The following NELL1 variants were observed in gnomAD, a reference collection of about 807,000 sequenced individuals.
NELL1 encodes the protein neural EGFL like 1.
A neutral mutation model predicts 107.4 loss-of-function variants in NELL1; 76 were observed. The ratio of observed to expected loss-of-function variants is 0.71; its 90% CI spans 0.59 to 0.86. NELL1 has a LOEUF of 0.86. Ranked by LOEUF, NELL1 falls within the 40% of genes least tolerant of loss-of-function variation. NELL1 has a pLI of 0.00. For synonymous variants in NELL1, 353 were observed against 341.2 expected, an observed-to-expected ratio of 1.03 and a Z score of -0.38; for missense variants, 1,024 against 1,005.5, an observed-to-expected ratio of 1.02 and a Z score of -0.25.
chr11:21,351,582 T>C (rs1442131954), intron 14 of NELL1, among the ~76,000 whole-genome samples: 2 of 151,928 alleles, frequency 1.3e-5, no homozygotes, highest in Non-Finnish European at 2.9e-5. Flanking sequence ...GAAAGAGATA[T>C]GCTGCTCACC....
chr11:20,758,983 T>C (rs566428532), intron 2 of NELL1, among the ~76,000 whole-genome samples: 10 of 152,292 alleles, frequency 6.6e-5, no homozygotes, highest in African/African-American at 2.4e-4. Context: ...GGAACTGATG[T>C]TCGTTGAGCC....
At chr11:21,056,572 G>GA in intron 12 of NELL1, among the ~76,000 whole-genome samples, 1 of 152,076 alleles carries the variant, frequency 6.6e-6, no homozygotes, top group African/African-American at 2.4e-5. Context: ...CAGTCTTCTG[G>GA]AAAATCTACC....
intron 12 of NELL1, among the ~76,000 whole-genome samples, chr11:21,006,703 C>T (rs1166170905): frequency 6.6e-6 from 1 of 152,074 alleles, no homozygotes; most frequent in African/African-American, 2.4e-5. Flanking sequence ...CCCAACGCCT[C>T]TCAGGGTTGA....
chr11:20,780,935 G>T (rs574019795), intron 2 of NELL1, among the ~76,000 whole-genome samples: 1 of 152,236 alleles, frequency 6.6e-6, no homozygotes, highest in African/African-American at 2.4e-5. Context: ...CAGGCATGCT[G>T]AAGGGACTGG....
At chr11:20,799,463 T>G (rs530630935) in intron 3 of NELL1, among the ~76,000 whole-genome samples, 1 of 152,342 alleles carries the variant, frequency 6.6e-6, no homozygotes, top group African/African-American at 2.4e-5. Context: ...ATTTCATAAT[T>G]TATAAAACTA....
intron 14 of NELL1, among the ~76,000 whole-genome samples, chr11:21,239,412 T>G (rs1464269080): frequency 6.6e-6 from 1 of 152,068 alleles, no homozygotes; most frequent in Non-Finnish European, 1.5e-5. Flanking sequence ...TCCAAGATAC[T>G]GCCATATACA....
chr11:20,926,259 A>G (rs1407902325), intron 7 of NELL1, among the ~76,000 whole-genome samples: 1 of 152,134 alleles, frequency 6.6e-6, no homozygotes, highest in Admixed American at 6.6e-5. Context: ...TTTTTGCACC[A>G]TATTTTTGAA....
chr11:21,541,691 CCT>C (rs1856296898), intron 16 of NELL1, among the ~76,000 whole-genome samples: 1 of 152,056 alleles, frequency 6.6e-6, no homozygotes, highest in South Asian at 2.1e-4. Flanking sequence ...CCGAAATCGG[CCT>C]CTTTCTAGCT....
intron 15 of NELL1, among the ~76,000 whole-genome samples, chr11:21,371,369 T>A (rs1851355314): frequency 6.6e-6 from 1 of 152,132 alleles, no homozygotes; most frequent in Non-Finnish European, 1.5e-5. Flanking sequence ...ATTAAATAAT[T>A]CCAGCAGCAG....
At chr11:21,193,877 T>C (rs1029926616) in intron 13 of NELL1, among the ~76,000 whole-genome samples, 2 of 151,890 alleles carry the variant, frequency 1.3e-5, no homozygotes, top group Admixed American at 6.6e-5. Flanking sequence ...TATTTCACAA[T>C]GTTTACACTT....
At chr11:21,036,382 A>G (rs988619357) in intron 12 of NELL1, among the ~76,000 whole-genome samples, 6 of 152,172 alleles carry the variant, frequency 3.9e-5, no homozygotes, top group Non-Finnish European at 8.8e-5. Context: ...AGAGAAAACT[A>G]TTTTAAAATT....
intron 2 of NELL1, among the ~76,000 whole-genome samples, chr11:20,760,535 T>C: frequency 6.6e-6 from 1 of 152,034 alleles, no homozygotes; most frequent in Non-Finnish European, 1.5e-5. Context: ...CTAATGACTG[T>C]TGTAGTTTCT....
chr11:21,405,820 C>T (rs560769536), intron 15 of NELL1, among the ~76,000 whole-genome samples: 1 of 151,952 alleles, frequency 6.6e-6, no homozygotes, highest in African/African-American at 2.4e-5. Flanking sequence ...CTTCCCCCAA[C>T]CTTTCCTTTC....
chr11:20,889,266 A>G (rs540552401), intron 5 of NELL1, among the ~76,000 whole-genome samples: 6 of 152,358 alleles, frequency 3.9e-5, no homozygotes, highest in Non-Finnish European at 8.8e-5. Flanking sequence ...AATTTTTCAC[A>G]AAAGGATAAC....
chr11:20,873,767 CTTT>C (rs34217570), intron 4 of NELL1, among the ~76,000 whole-genome samples: 7 of 135,670 alleles, frequency 5.2e-5, no homozygotes, highest in Admixed American at 7.5e-5. Context: ...GAATATTTGA[CTTT>C]TTTTTTTTTT....
intron 12 of NELL1, among the ~76,000 whole-genome samples, chr11:21,070,073 G>A (rs1032753121): frequency 6.6e-6 from 1 of 151,992 alleles, no homozygotes; most frequent in Non-Finnish European, 1.5e-5. Flanking sequence ...CTGAAATGAC[G>A]GGTTTGCTCA....
rs761616910 is a variant in NELL1 at position 21,113,638 on chromosome 11, G to A, written c.1350G>A (p.Val450=). The A allele has an allele frequency of 6.2e-7, 1 of 1,612,110 alleles. No homozygotes were observed. Among genetic ancestry groups the A allele is most frequent in the East Asian group, 2.2e-5 (1 of 44,806 alleles). The change falls in exon 13 of 20, where the codon GTG becomes GTA. Residue 450 remains valine, a synonymous_variant. Transcript: ENST00000357134. ...AKMHYCHANT[V]CVNLPGLYRC... is the part of the protein sequence containing the mutation. ...TGCATTACTGTCATGCCAATACTGT[G>A]TGTGTCAACCTTCCTGGGTTATATC...
chr11:21,560,051 A>C, intron 16 of NELL1, 138 bp from the exon 17 acceptor site: 1 of 767,028 alleles, frequency 1.3e-6, no homozygotes, highest in Non-Finnish European at 2.3e-6. Context: ...AAATGAGATA[A>C]TACATGTGAA....
chr11:20,750,261 T>C (rs1856102010), intron 2 of NELL1, among the ~76,000 whole-genome samples: 1 of 152,168 alleles, frequency 6.6e-6, no homozygotes, highest in South Asian at 2.1e-4. Context: ...TTAAAGTCTT[T>C]TCTTCATTAT....
Sources: gnomAD v4.1 joint callset for allele counts (sites outside exome capture counted in the v4.1 genomes callset) on GRCh38, gnomAD v4.1.1 for gene constraint, MANE v1.5 for transcripts, NCBI Gene and HGNC (gene_info 2026-07-23, HGNC 2026-07-21) for gene names.